The following WDR70 variants were observed in gnomAD, a reference collection of about 807,000 sequenced individuals.
WDR70 encodes WD repeat domain 70, also known as WD repeat-containing protein 70.
In WDR70, 53 loss-of-function variants were observed where a neutral mutation model predicts 88.6. The ratio of observed to expected loss-of-function variants is 0.60; its 90% confidence interval spans 0.48 to 0.75. WDR70 has a LOEUF of 0.75. Among genes scored for constraint, WDR70 ranks in the 30% least tolerant of loss-of-function variants. The pLI is 0.00. For synonymous variants in WDR70, 280 were observed against 270.0 expected (o/e 1.04, Z -0.36); for missense variants, 610 against 823.2 (o/e 0.74, Z 3.17).
intron 9 of WDR70, among the ~76,000 whole-genome samples, chr5:37,526,501 T>C (rs755104742): frequency 2.6e-5 from 4 of 152,144 alleles, no homozygotes; most frequent in Admixed American, 6.6e-5. Flanking sequence ...TAAGAGCTAT[T>C]TATGACAAAG....
intron 13 of WDR70, among the ~76,000 whole-genome samples, chr5:37,705,499 G>A (rs1312992048): frequency 2.0e-5 from 3 of 152,052 alleles, no homozygotes; most frequent in Non-Finnish European, 2.9e-5. Context: ...TGTTGATTTA[G>A]TGAGGGTGAA....
intron 9 of WDR70, among the ~76,000 whole-genome samples, chr5:37,602,318 A>G (rs181166517): frequency 6.9e-6 from 1 of 145,716 alleles, no homozygotes; most frequent in African/African-American, 2.6e-5. Flanking sequence ...CAGTACACTG[A>G]AAACTATTGG....
chr5:37,421,310 C>A (rs138602600), intron 5 of WDR70, among the ~76,000 whole-genome samples: 151 of 152,278 alleles, frequency 9.9e-4, no homozygotes, highest in African/African-American at 3.3e-3. Flanking sequence ...AAACTGTGAA[C>A]AGTCTTTGGT....
chr5:37,734,302 C>A (rs900741539), intron 17 of WDR70, among the ~76,000 whole-genome samples: 13 of 152,122 alleles, frequency 8.5e-5, no homozygotes, highest in Non-Finnish European at 2.9e-5. Context: ...GTGAAAAAAT[C>A]AAATATCAGC....
At chr5:37,685,043 G>T (rs1746540682) in intron 10 of WDR70, among the ~76,000 whole-genome samples, 1 of 152,148 alleles carries the variant, frequency 6.6e-6, no homozygotes, top group Admixed American at 6.5e-5. Context: ...TGCAGCCAGG[G>T]GTTGGCTGCT....
At chr5:37,506,512 G>A in intron 8 of WDR70, 1 of 769,492 alleles carries the variant, frequency 1.3e-6, no homozygotes, top group South Asian at 1.3e-5. Flanking sequence ...ATGTGGGCCA[G>A]CATACTGTCA....
intron 8 of WDR70, among the ~76,000 whole-genome samples, chr5:37,497,454 T>TCTTCCCTTC (rs1740262439): frequency 9.1e-6 from 1 of 110,220 alleles, no homozygotes; most frequent in Admixed American, 1.0e-4. Flanking sequence ...GTCTTCCCTT[T>TCTTCCCTTC]CCTTCCGTCT....
At chr5:37,515,021 A>G (rs10057125) in intron 8 of WDR70, among the ~76,000 whole-genome samples, 6,287 of 148,250 alleles carry the variant, frequency 0.042, 377 homozygotes, top group African/African-American at 0.15. Flanking sequence ...TGTCTCAAGA[A>G]AAAAAAAAAA....
chr5:37,443,452 C>A (rs1452319504), intron 7 of WDR70, 80 bp downstream of exon 7: 2 of 1,491,236 alleles, frequency 1.3e-6, no homozygotes, highest in Non-Finnish European at 9.2e-7. Context: ...GCTTTGGAAT[C>A]CCATCTACAA....
At chr5:37,441,341 T>A (rs956273798) in intron 6 of WDR70, among the ~76,000 whole-genome samples, 1 of 152,198 alleles carries the variant, frequency 6.6e-6, no homozygotes, top group Non-Finnish European at 1.5e-5. Flanking sequence ...TTAGAGTTCA[T>A]GTCTAATTTT....
intron 16 of WDR70, 140 bp downstream of exon 16, chr5:37,725,190 C>A (rs1038368112): frequency 1.5e-6 from 1 of 671,318 alleles, no homozygotes; most frequent in East Asian, 2.8e-5. Context: ...AAAATGTTTT[C>A]TTTTTAGTAA....
At chr5:37,706,716 T>TACACACACACACAC (rs58482881) in intron 13 of WDR70, among the ~76,000 whole-genome samples, 12 of 149,896 alleles carry the variant, frequency 8.0e-5, no homozygotes, top group African/African-American at 2.5e-4. Flanking sequence ...AACAGAGTAA[T>TACACACACACACAC]ACACACACAC....
Position 37,443,354 on chromosome 5 carries a change from C to T in WDR70, c.668C>T (p.Ser223Phe), listed in dbSNP as rs200523361. Residue 223 changes from serine (S) to phenylalanine (F), a missense_variant, in exon 7 of 18, where the codon TCC becomes TTC. Ser to Phe is a radical substitution (Grantham distance 155, BLOSUM62 -2). Coordinates refer to ENST00000265107, the MANE Select transcript of WDR70 (RefSeq NM_018034.4). Reference sequence around the variant, plus strand: ...GATGCTTCTTTTAAGGCATTTCGATCCCTTCAGCCCTGTGAGTGGTATGTA... The same window carrying T: ...GATGCTTCTTTTAAGGCATTTCGATTCCTTCAGCCCTGTGAGTGGTATGTA... ...GMDASFKAFR[S>F]LQPCECHQIK... 6.8e-6 allele frequency: 11 copies of T among 1,613,836 alleles called. No homozygotes were observed. The Admixed American group carries it at 1.8e-4, about 27-fold the overall frequency.
intron 12 of WDR70, among the ~76,000 whole-genome samples, chr5:37,701,388 A>G (rs1371349431): frequency 6.6e-6 from 1 of 152,200 alleles, no homozygotes; most frequent in Non-Finnish European, 1.5e-5. Context: ...TATTGTATGC[A>G]CGCACAAGTC....
intron 9 of WDR70, among the ~76,000 whole-genome samples, chr5:37,598,977 T>C (rs934354980): frequency 2.6e-5 from 4 of 152,210 alleles, no homozygotes; most frequent in Non-Finnish European, 5.9e-5. Flanking sequence ...TTCTGAACTT[T>C]CTGGCATCTG....
intron 3 of WDR70, among the ~76,000 whole-genome samples, chr5:37,390,938 A>ACTC (rs1748799575): frequency 6.7e-6 from 1 of 149,718 alleles, no homozygotes; most frequent in African/African-American, 2.5e-5. Context: ...CTGGTCTCGA[A>ACTC]CTCCTGACCT....
intron 9 of WDR70, among the ~76,000 whole-genome samples, chr5:37,526,928 G>A (rs149852250): frequency 0.015 from 2,346 of 152,240 alleles, 53 homozygotes; most frequent in African/African-American, 0.053. Context: ...TACAAGGGAC[G>A]TGAAGGACCT....
At chr5:37,388,590 AT>A (rs1748705243) in intron 3 of WDR70, among the ~76,000 whole-genome samples, 1 of 143,634 alleles carries the variant, frequency 7.0e-6, no homozygotes. Context: ...AAATACAAAA[AT>A]TAGGTGGGCA....
chr5:37,546,261 T>C (rs1741987932), intron 9 of WDR70, among the ~76,000 whole-genome samples: 2 of 152,216 alleles, frequency 1.3e-5, no homozygotes, highest in Admixed American at 1.3e-4. Flanking sequence ...GAAAAAACAT[T>C]TAATGTCACA....
Sources: gnomAD v4.1 joint callset for allele counts (sites outside exome capture counted in the v4.1 genomes callset) on GRCh38, gnomAD v4.1.1 for gene constraint, MANE v1.5 for transcripts, NCBI Gene and HGNC (gene_info 2026-07-23, HGNC 2026-07-21) for gene names.